Variants in FCN2 observed in about 807,000 individuals in gnomAD.
FCN2 encodes ficolin 2.
FCN2 carries 31 observed loss-of-function variants against 32.5 expected under a neutral mutation model. That is an observed-to-expected ratio of 0.96 (90% CI 0.72 to 1.29). FCN2 has a LOEUF of 1.29. FCN2 is among the 50% of genes most tolerant of loss of function. The pLI is 0.00. For missense variants in FCN2, 412 were observed against 406.5 expected (o/e 1.01, Z -0.12); for synonymous variants, 181 against 164.5 (o/e 1.10, Z -0.77).
Position 134,886,434 on chromosome 9 carries a change from C to G in FCN2, c.564C>G (p.Thr188=). Residue 188 remains threonine, a synonymous_variant, in exon 7 of 8, where the codon ACC becomes ACG. Transcript: ENST00000291744. ...DNIHALTAQG[T]SELRVDLVDF... ...CCTGAAACCTTTCTCTAACAGGAACCAGCGAGCTCCGTGTAGACCTGGTGG... is the reference window on the plus strand; with the variant it reads ...CCTGAAACCTTTCTCTAACAGGAACGAGCGAGCTCCGTGTAGACCTGGTGG... 1 of 1,614,204 alleles carries G rather than the reference C, an allele frequency of 6.2e-7. No homozygotes were observed. Among genetic ancestry groups the G allele is most frequent in the Non-Finnish European group, 8.5e-7 (1 of 1,180,038 alleles).
chr9:134,883,163 C>G (rs532968201), intron 2 of FCN2, 139 bp from the exon 3 acceptor site: 276 of 792,340 alleles, frequency 3.5e-4, no homozygotes, highest in African/African-American at 3.2e-3. Flanking sequence ...GATGGGCAAG[C>G]CTGGGCGGGG....
At chr9:134,869,632 T>C in the FCN2 span, among the ~76,000 whole-genome samples, 1 of 152,240 alleles carries the variant, frequency 6.6e-6, no homozygotes, top group East Asian at 1.9e-4. Context: ...GCCTTTTCTC[T>C]GCTCGACTCA....
At chr9:134,871,861 C>T in the FCN2 span, among the ~76,000 whole-genome samples, 9 of 152,158 alleles carry the variant, frequency 5.9e-5, no homozygotes, top group Non-Finnish European at 1.0e-4. Context: ...AGGATGCACC[C>T]GTGAAACCAG....
At chr9:134,867,247 C>A in the FCN2 span, among the ~76,000 whole-genome samples, 1 of 141,906 alleles carries the variant, frequency 7.0e-6, no homozygotes, top group Non-Finnish European at 1.5e-5. Context: ...ACCCAAATGT[C>A]CAACAATGAT....
chr9:134,883,155 T>C lies in FCN2; in HGVS notation c.215-147T>C, dbSNP rs144596544. On this transcript the variant is annotated intron_variant, in intron 2 of 7. Coordinates refer to ENST00000291744, the MANE Select transcript of FCN2 (RefSeq NM_004108.3). ...GGATCTAGAACCTTCTGGTGCAGGA[T>C]GGGCAAGCCTGGGCGGGGCCACAGT... 4,251 of 756,176 alleles carry C rather than the reference T, an allele frequency of 5.6e-3. 28 individuals are homozygous for C. The highest frequency in any genetic ancestry group is 8.2e-3 in the Non-Finnish European group (3,438 of 420,310). 46.8% of individuals were successfully genotyped at this position (756,176 alleles called of 1,614,324 possible).
At chr9:134,885,116 A>G in intron 4 of FCN2, 123 bp from the exon 5 acceptor site, 1 of 1,383,830 alleles carries the variant, frequency 7.2e-7, no homozygotes, top group South Asian at 1.2e-5. Context: ...TCCAGGCCTC[A>G]GAGTCCCGCT....
chr9:134,887,135 C>A, intron 7 of FCN2, 33 bp from the exon 8 acceptor site: 3 of 1,612,938 alleles, frequency 1.9e-6, no homozygotes, highest in Non-Finnish European at 2.5e-6. Context: ...GATGTTACTG[C>A]CTGTAACGAT....
chr9:134,886,250 C>T (rs1217068037), intron 6 of FCN2, among the ~76,000 whole-genome samples, 180 bp from the exon 7 acceptor site: 1 of 152,180 alleles, frequency 6.6e-6, no homozygotes, highest in Non-Finnish European at 1.5e-5. Context: ...GAGTCTTGCC[C>T]TGCTGCTCAG....
Position 134,882,455 on chromosome 9 carries a change from T to A in FCN2, c.101-71T>A, listed in dbSNP as rs576230926. The A allele has an allele frequency of 7.8e-5, 95 of 1,219,618 alleles. 1 individual carries two copies. The South Asian group carries it at 1.1e-3, about 15-fold the overall frequency. The allele number at this position is 1,219,618 out of a possible 1,614,324, so 75.5% of individuals were successfully genotyped here. A position where few individuals can be genotyped will look rare whatever the true frequency, so the allele number is the denominator to read the frequency against. On this transcript the variant is annotated intron_variant, in intron 1 of 7. Coordinates refer to ENST00000291744, the MANE Select transcript of FCN2 (RefSeq NM_004108.3). The stretch of plus-strand genomic sequence containing the variant: ...AGATGGCAGATGCCTTTCAGTTGAG[T>A]GGTATATCTATGGCTCAGTGGAGTC...
intron 6 of FCN2, 97 bp from the exon 7 acceptor site, chr9:134,886,333 G>C (rs1830754717): frequency 6.9e-7 from 1 of 1,448,052 alleles, no homozygotes; most frequent in Non-Finnish European, 9.7e-7. Context: ...CCTCCATGGA[G>C]TCCAGACCTC....
At chr9:134,871,864 G>A in the FCN2 span, among the ~76,000 whole-genome samples, 6 of 152,158 alleles carry the variant, frequency 3.9e-5, no homozygotes, top group African/African-American at 1.4e-4. Context: ...ATGCACCCGT[G>A]AAACCAGCAC....
At chr9:134,883,181 C>A (rs971369694) in intron 2 of FCN2, 121 bp from the exon 3 acceptor site, 1 of 887,252 alleles carries the variant, frequency 1.1e-6, no homozygotes, top group African/African-American at 1.6e-5. Context: ...GGGCCACAGT[C>A]ACGTCGTAGC....
At chr9:134,868,425 G>T in the FCN2 span, 35 of 200,934 alleles carry the variant, frequency 1.7e-4, no homozygotes, top group Middle Eastern at 7.6e-4. This position sits in a 1 kb window ranked among gnomAD's most constrained non-coding sequence, Gnocchi z 4.3. Context: ...GTCGGGGAAA[G>T]GGAACAACTA....
chr9:134,869,503 T>G, the FCN2 span, among the ~76,000 whole-genome samples: 20 of 152,090 alleles, frequency 1.3e-4, no homozygotes, highest in Admixed American at 1.2e-3. Context: ...AGCCTCGGTC[T>G]CTCTCCCGGA....
chr9:134,884,905 T>G, intron 4 of FCN2, 133 bp downstream of exon 4: 1 of 862,566 alleles, frequency 1.2e-6, no homozygotes. Context: ...CCCGTTTCCT[T>G]GTCCCCTAAT....
At chr9:134,875,357 G>C in the FCN2 span, among the ~76,000 whole-genome samples, 11 of 152,188 alleles carry the variant, frequency 7.2e-5, no homozygotes, top group South Asian at 8.3e-4. Flanking sequence ...TTCCGTGGTA[G>C]ACAGGCCCCA....
chr9:134,884,695 G>A, intron 3 of FCN2, 45 bp from the exon 4 acceptor site: 2 of 1,605,834 alleles, frequency 1.2e-6, no homozygotes, highest in Non-Finnish European at 1.7e-6. Flanking sequence ...GAAGGGCTCT[G>A]ATTTCCAAAC....
intron 3 of FCN2, 26 bp downstream of exon 3, chr9:134,883,381 C>G (rs368561772): frequency 1.9e-6 from 3 of 1,604,026 alleles, no homozygotes; most frequent in African/African-American, 2.7e-5. Context: ...GAGTGAGAAG[C>G]GGCTTCAAGG....
intron 3 of FCN2, among the ~76,000 whole-genome samples, chr9:134,883,979 TG>T (rs11445130): frequency 1.8e-5 from 2 of 112,006 alleles, no homozygotes; most frequent in African/African-American, 6.8e-5. Flanking sequence ...CTTGAGAGGG[TG>T]GGGGGGGATT....
Sources: allele counts gnomAD v4.1 joint callset (sites outside exome capture counted in the v4.1 genomes callset), GRCh38; gene constraint gnomAD v4.1.1; non-coding constraint Gnocchi (gnomAD v3.1); transcripts MANE v1.5; gene names NCBI Gene and HGNC (gene_info 2026-07-23, HGNC 2026-07-21).